The following LRRC4C variants were observed in gnomAD, a reference collection of about 807,000 sequenced individuals.
LRRC4C encodes leucine-rich repeat-containing protein 4C.
Under a neutral mutation model 33.6 loss-of-function variants are expected in LRRC4C, and 5 were observed. That is an observed-to-expected ratio of 0.15 (90% confidence interval 0.08 to 0.31). LRRC4C has a LOEUF of 0.31. LRRC4C is among the 10% of genes least tolerant of loss of function. The pLI, the probability that LRRC4C is intolerant of heterozygous loss-of-function variation, is 1.00. For missense variants in LRRC4C, 560 were observed against 796.7 expected, an observed-to-expected ratio of 0.70 and a Z score of 3.58; for synonymous variants, 329 against 302.0, an observed-to-expected ratio of 1.09 and a Z score of -0.93.
At position 40,242,333 on chromosome 11, in the gene LRRC4C, A is replaced by G. The variant is rs545004368; in HGVS notation, c.-175-735T>C. Among the ~76,000 whole-genome samples the G allele has an allele frequency of 3.4e-4, 51 of 152,236 alleles. 1 individual carries two copies. The South Asian group carries it at 0.011, about 32-fold the overall frequency. On this transcript the variant is annotated intron_variant, in intron 4 of 6. Coordinates refer to ENST00000528697, the MANE Select transcript of LRRC4C (RefSeq NM_001258419.2). ...TACATTTACTTATCTTCCTTTCTTCATTCTTGTATGGGACAGTATCTTTGA... is the reference window on the plus strand; with the variant it reads ...TACATTTACTTATCTTCCTTTCTTCGTTCTTGTATGGGACAGTATCTTTGA...
chr11:40,383,688 TTTTA>T (rs937259907), intron 3 of LRRC4C, among the ~76,000 whole-genome samples: 7 of 151,740 alleles, frequency 4.6e-5, no homozygotes, highest in African/African-American at 1.2e-4. Context: ...CCTGTGCCCA[TTTTA>T]TTTATTTATT....
intron 1 of LRRC4C, among the ~76,000 whole-genome samples, chr11:40,943,599 C>A (rs532577530): frequency 6.6e-6 from 1 of 152,258 alleles, no homozygotes; most frequent in South Asian, 2.1e-4. Context: ...CAGAGTATTA[C>A]AGCCACCACA....
At position 40,553,162 on chromosome 11, in the gene LRRC4C, C is replaced by T. The variant is rs148058346; in HGVS notation, c.-270+94980G>A. ...TGACAGGCACCTGTAAACCCAGCTA[C>T]TCAGGAGGCTGAGGCAGGAGAATTG... On this transcript the variant is annotated intron_variant, in intron 3 of 6. Coordinates refer to ENST00000528697, the MANE Select transcript of LRRC4C (RefSeq NM_001258419.2). 8.9e-4 allele frequency among the ~76,000 whole-genome samples: 135 copies of T among 152,168 alleles called. 1 individual carries two copies. In the South Asian group the frequency reaches 0.015, roughly 17 times the overall value.
rs1565582829 is a variant in LRRC4C, at chr11:41,325,574, T to TG, written c.-496+133856_-496+133857insC. On this transcript the variant is annotated intron_variant, in intron 1 of 6. Coordinates refer to ENST00000528697, the MANE Select transcript of LRRC4C (RefSeq NM_001258419.2). ...AAATTATTGTCCTTATAGTTTTTTT[T>TG]TTTTGTGTGTGTGTGTGTGTGTGTG... 6.6e-3 allele frequency among the ~76,000 whole-genome samples: 664 copies of TG among 99,972 alleles called. 13 individuals are homozygous for TG. The highest frequency in any genetic ancestry group is 0.021 in the African/African-American group (626 of 30,460). The allele number at this position is 99,972 out of a possible 152,430, so 65.6% of individuals were successfully genotyped here. A position where few individuals can be genotyped will look rare whatever the true frequency, so the allele number is the denominator to read the frequency against.
chr11:40,605,327 T>C (rs950637238), intron 3 of LRRC4C, among the ~76,000 whole-genome samples: 4 of 152,108 alleles, frequency 2.6e-5, no homozygotes, highest in African/African-American at 7.2e-5. Flanking sequence ...ATATTTAATG[T>C]GAGAATGTGA....
At chr11:40,949,288 G>T (rs1288660430) in intron 1 of LRRC4C, among the ~76,000 whole-genome samples, 1 of 152,066 alleles carries the variant, frequency 6.6e-6, no homozygotes, top group Non-Finnish European at 1.5e-5. Context: ...AGATAAGTAG[G>T]TTGCTAAAAT....
intron 1 of LRRC4C, among the ~76,000 whole-genome samples, chr11:41,265,919 C>T (rs1949136510): frequency 6.6e-6 from 1 of 151,502 alleles, no homozygotes; most frequent in African/African-American, 2.4e-5. Flanking sequence ...AGTCAGTTCT[C>T]CAACATAACT....
At chr11:41,231,740 T>C (rs535212089) in intron 1 of LRRC4C, among the ~76,000 whole-genome samples, 175 of 152,114 alleles carry the variant, frequency 1.2e-3, no homozygotes, top group African/African-American at 4.2e-3. Flanking sequence ...ATTGTGCACA[T>C]GTACCCTAGA....
chr11:40,530,287 A>C (rs1956221668), intron 3 of LRRC4C, among the ~76,000 whole-genome samples: 1 of 152,122 alleles, frequency 6.6e-6, no homozygotes, highest in African/African-American at 2.4e-5. Context: ...ATATTGGCCC[A>C]AATTTTTACC....
intron 2 of LRRC4C, among the ~76,000 whole-genome samples, chr11:40,932,030 G>A (rs1481087508): frequency 6.6e-6 from 1 of 152,096 alleles, no homozygotes; most frequent in Non-Finnish European, 1.5e-5. Flanking sequence ...ACCTCAAGGG[G>A]CTGAGACTCT....
At chr11:41,379,066 T>C (rs536328352) in intron 1 of LRRC4C, among the ~76,000 whole-genome samples, 3 of 152,198 alleles carry the variant, frequency 2.0e-5, no homozygotes, top group Non-Finnish European at 4.4e-5. Flanking sequence ...AACTCACACA[T>C]ACTTATACCC....
At chr11:40,638,938 T>C (rs1941944115) in intron 3 of LRRC4C, among the ~76,000 whole-genome samples, 1 of 152,128 alleles carries the variant, frequency 6.6e-6, no homozygotes, top group African/African-American at 2.4e-5. Flanking sequence ...GAGCATGCAG[T>C]GGCCAAGAAT....
At chr11:40,334,109 G>A (rs895177340) in intron 3 of LRRC4C, among the ~76,000 whole-genome samples, 2 of 152,074 alleles carry the variant, frequency 1.3e-5, no homozygotes, top group African/African-American at 4.8e-5. Flanking sequence ...ACCTAACCTG[G>A]TGTTTTTCCT....
intron 1 of LRRC4C, among the ~76,000 whole-genome samples, chr11:41,437,419 G>GTGCACA (rs1555171493): frequency 1.6e-5 from 1 of 64,332 alleles, no homozygotes; most frequent in African/African-American, 5.7e-5. Flanking sequence ...AAACGCGCGC[G>GTGCACA]CGCGCGCACA....
intron 2 of LRRC4C, among the ~76,000 whole-genome samples, chr11:40,837,401 C>T (rs1001389717): frequency 6.6e-6 from 1 of 151,994 alleles, no homozygotes; most frequent in African/African-American, 2.4e-5. Flanking sequence ...CACGCTGGAG[C>T]CCCTTCTTCC....
chr11:40,910,734 G>A (rs571951245), intron 2 of LRRC4C, among the ~76,000 whole-genome samples: 82 of 152,288 alleles, frequency 5.4e-4, no homozygotes, highest in African/African-American at 6.3e-4. Context: ...AGCTTGAGCC[G>A]GAGCAAGGCG....
chr11:41,348,313 A>C (rs1951864254), intron 1 of LRRC4C, among the ~76,000 whole-genome samples: 1 of 152,226 alleles, frequency 6.6e-6, no homozygotes, highest in African/African-American at 2.4e-5. Flanking sequence ...CATGGTGGTC[A>C]GAAGTCAAAA....
chr11:41,188,117 T>G (rs912914273), intron 1 of LRRC4C, among the ~76,000 whole-genome samples: 19 of 152,182 alleles, frequency 1.2e-4, no homozygotes, highest in Non-Finnish European at 1.9e-4. Flanking sequence ...AACTTTGGAT[T>G]GAAGATACCC....
In LRRC4C at chr11:40,309,608, T is replaced by G. The variant is rs577624882; in HGVS notation, c.-176+10020A>C. 1.2e-4 allele frequency among the ~76,000 whole-genome samples: 18 copies of G among 151,374 alleles called. No homozygotes were observed. The South Asian group carries it at 3.8e-3, about 32-fold the overall frequency. ...GCAACCTCCACCTCTACGACTCAAG[T>G]GATTATCCCACCTCAACCTCCCAAG... On this transcript the variant is annotated intron_variant, in intron 4 of 6. Coordinates refer to ENST00000528697, the MANE Select transcript of LRRC4C (RefSeq NM_001258419.2).
Sources: allele counts gnomAD v4.1 joint callset (sites outside exome capture counted in the v4.1 genomes callset), GRCh38; gene constraint gnomAD v4.1.1; transcripts MANE v1.5; gene names NCBI Gene and HGNC (gene_info 2026-07-23, HGNC 2026-07-21).